Variants in PDS5B observed in about 807,000 individuals in gnomAD.
The protein encoded by PDS5B is PDS5 cohesin associated factor B.
Under a neutral mutation model 184.1 loss-of-function variants are expected in PDS5B, and 51 were observed. The observed-to-expected ratio is 0.28, with a 90% CI of 0.22 to 0.35. The LOEUF is 0.35. Among genes scored for constraint, PDS5B ranks in the 10% least tolerant of loss-of-function variants. PDS5B has a pLI of 1.00. For missense variants in PDS5B, 1,180 were observed against 1,723.3 expected (o/e 0.68, Z 5.58); for synonymous variants, 566 against 569.2 (o/e 0.99, Z 0.08).
chr13:32,642,221 A>G (rs996637591), intron 1 of PDS5B, among the ~76,000 whole-genome samples: 1 of 152,118 alleles, frequency 6.6e-6, no homozygotes, highest in Non-Finnish European at 1.5e-5. Context: ...TGTAACCATA[A>G]TTTCTTCGAA....
intron 14 of PDS5B, among the ~76,000 whole-genome samples, chr13:32,696,322 T>C (rs1358773613): frequency 1.3e-5 from 2 of 152,258 alleles, no homozygotes; most frequent in Non-Finnish European, 2.9e-5. Context: ...TGACTTTACA[T>C]GCAGTAGTAC....
intron 1 of PDS5B, among the ~76,000 whole-genome samples, chr13:32,603,026 T>G (rs1163833534): frequency 2.6e-5 from 4 of 152,248 alleles, no homozygotes; most frequent in Non-Finnish European, 5.9e-5. Context: ...TGTAAAAACT[T>G]TCTCCCATTC....
intron 28 of PDS5B, among the ~76,000 whole-genome samples, chr13:32,759,398 C>G (rs1230918087): frequency 1.3e-5 from 2 of 152,132 alleles, no homozygotes; most frequent in Non-Finnish European, 2.9e-5. Flanking sequence ...TTTTCTGATG[C>G]ACTCTTAGAG....
chr13:32,696,401 C>T lies in PDS5B; in HGVS notation c.1552-453C>T, dbSNP rs187880338. On this transcript the variant is annotated intron_variant, in intron 14 of 34. Transcript: ENST00000315596. ...GAAATAACACTTCCCTGATGCAACC[C>T]GTAACTAACACTCTTAGAAACGTCT... Among the ~76,000 whole-genome samples the T allele has an allele frequency of 1.0e-3, 152 of 152,118 alleles. 1 individual carries two copies. Among genetic ancestry groups the T allele is most frequent in the Non-Finnish European group, 4.0e-4 (27 of 67,930 alleles).
At chr13:32,629,906 A>T (rs142225765) in intron 1 of PDS5B, among the ~76,000 whole-genome samples, 2 of 152,232 alleles carry the variant, frequency 1.3e-5, no homozygotes, top group African/African-American at 4.8e-5. Context: ...TGATTTTCCA[A>T]AAACATCTTT....
chr13:32,696,337 A>G (rs988157295), intron 14 of PDS5B, among the ~76,000 whole-genome samples: 1 of 152,152 alleles, frequency 6.6e-6, no homozygotes, highest in African/African-American at 2.4e-5. Context: ...TAGTACATGA[A>G]TGTATTACAT....
chr13:32,617,752 C>G (rs1048930261), intron 1 of PDS5B, among the ~76,000 whole-genome samples: 1 of 152,198 alleles, frequency 6.6e-6, no homozygotes, highest in Non-Finnish European at 1.5e-5. Flanking sequence ...GAGAGGGGTA[C>G]AACATGTCAA....
intron 1 of PDS5B, among the ~76,000 whole-genome samples, chr13:32,641,632 T>A (rs571115516): frequency 1.9e-3 from 289 of 152,310 alleles, no homozygotes; most frequent in Non-Finnish European, 2.5e-3. Context: ...TTCTTGACTT[T>A]CTTCTGTTTT....
At chr13:32,757,220 A>G (rs1182806142) in intron 26 of PDS5B, among the ~76,000 whole-genome samples, 1 of 152,184 alleles carries the variant, frequency 6.6e-6, no homozygotes, top group Non-Finnish European at 1.5e-5. Flanking sequence ...CTTTCTGAGA[A>G]CATTGGGTTT....
intron 19 of PDS5B, among the ~76,000 whole-genome samples, chr13:32,721,729 C>G (rs1044776828): frequency 2.7e-5 from 4 of 149,524 alleles, no homozygotes; most frequent in Non-Finnish European, 5.9e-5. Flanking sequence ...GGATGACGGC[C>G]GGGAAGAGGC....
chr13:32,627,417 C>G (rs1295906504), intron 1 of PDS5B, among the ~76,000 whole-genome samples: 2 of 152,130 alleles, frequency 1.3e-5, no homozygotes, highest in African/African-American at 2.4e-5. Flanking sequence ...ACAGTATATA[C>G]TTTATAATTT....
intron 10 of PDS5B, among the ~76,000 whole-genome samples, chr13:32,680,216 T>C (rs2140794659): frequency 6.6e-6 from 1 of 152,164 alleles, no homozygotes; most frequent in East Asian, 1.9e-4. Flanking sequence ...TGGAAAGCCC[T>C]GAGTATATGC....
chr13:32,715,766 C>T (rs943712707), intron 19 of PDS5B, among the ~76,000 whole-genome samples: 3 of 152,168 alleles, frequency 2.0e-5, no homozygotes, highest in African/African-American at 4.8e-5. Context: ...CTGCCTGATT[C>T]TCCTGCCTCA....
At chr13:32,651,771 C>G in intron 2 of PDS5B, 33 bp from the exon 3 acceptor site, 1 of 1,301,422 alleles carries the variant, frequency 7.7e-7, no homozygotes. Context: ...TTACATGGAG[C>G]ATTTCATTAT....
At chr13:32,732,291 T>C (rs1953150420) in intron 20 of PDS5B, 67 bp downstream of exon 20, 10 of 1,130,874 alleles carry the variant, frequency 8.8e-6, no homozygotes, top group Non-Finnish European at 1.2e-5. Flanking sequence ...TTGATGATTT[T>C]ATGGAATGTT....
chr13:32,698,971 T>C (rs752618836), intron 15 of PDS5B, among the ~76,000 whole-genome samples: 3 of 152,170 alleles, frequency 2.0e-5, no homozygotes, highest in Non-Finnish European at 4.4e-5. Context: ...GCCAGGGTGG[T>C]CTTGAACTCC....
At chr13:32,742,540 AT>A in intron 22 of PDS5B, 50 bp from the exon 23 acceptor site, 1 of 1,479,556 alleles carries the variant, frequency 6.8e-7, no homozygotes, top group Non-Finnish European at 9.2e-7. Flanking sequence ...TGATACAGAA[AT>A]TCTTTCAAAA....
chr13:32,754,547 C>T (rs890247220), intron 25 of PDS5B, among the ~76,000 whole-genome samples: 2 of 151,734 alleles, frequency 1.3e-5, no homozygotes, highest in Non-Finnish European at 2.9e-5. Context: ...CTTTAAAATA[C>T]AGTTTTGGGG....
At chr13:32,631,603 G>A (rs1179211854) in intron 1 of PDS5B, among the ~76,000 whole-genome samples, 1 of 152,126 alleles carries the variant, frequency 6.6e-6, no homozygotes, top group Admixed American at 6.5e-5. Flanking sequence ...CTGTATTGTG[G>A]CAAGTTTGAT....
Sources: allele counts gnomAD v4.1 joint callset (sites outside exome capture counted in the v4.1 genomes callset), GRCh38; gene constraint gnomAD v4.1.1; transcripts MANE v1.5; gene names NCBI Gene and HGNC (gene_info 2026-07-23, HGNC 2026-07-21).